Variants in MOSMO observed in about 807,000 individuals in gnomAD.
The protein encoded by MOSMO is modulator of smoothened, also known as modulator of smoothened protein.
Under a neutral mutation model 18.4 loss-of-function variants are expected in MOSMO, and 5 were observed. The ratio of observed to expected loss-of-function variants is 0.27; its 90% CI spans 0.14 to 0.57. MOSMO has a LOEUF of 0.57. MOSMO is among the 20% of genes least tolerant of loss of function. The pLI, the probability that MOSMO is intolerant of heterozygous loss-of-function variation, is 0.92. For missense variants in MOSMO, 138 were observed against 211.8 expected, an observed-to-expected ratio of 0.65 and a Z score of 2.16; for synonymous variants, 82 against 82.3, an observed-to-expected ratio of 1.00 and a Z score of 0.02.
downstream of MOSMO, among the ~76,000 whole-genome samples, chr16:22,088,070 C>T (rs1393559971): frequency 2.0e-5 from 3 of 151,976 alleles, no homozygotes; most frequent in African/African-American, 7.3e-5. Context: ...GCTCTGTCAC[C>T]CAGACTGGAG....
intron 1 of MOSMO, among the ~76,000 whole-genome samples, chr16:22,071,162 A>G (rs1411298972): frequency 6.6e-6 from 1 of 152,202 alleles, no homozygotes; most frequent in Non-Finnish European, 1.5e-5. Flanking sequence ...GAAGTAGAGC[A>G]AGAGATCCAC....
Position 22,081,211 on chromosome 16 carries a change from C to T in MOSMO, c.*331C>T, listed in dbSNP as rs2141788386. On this transcript the variant is annotated 3_prime_UTR_variant, in exon 3 of 3. Coordinates refer to ENST00000542527, the MANE Select transcript of MOSMO (RefSeq NM_001164579.2). The stretch of plus-strand genomic sequence containing the variant: ...GCTTTATACCGAAAAGCATGTGGCC[C>T]TTTGTGACTCTGTTATTCCGTTTTT... 6.3e-6 allele frequency: 1 copy of T among 157,622 alleles called. No homozygotes were observed. The highest frequency in any genetic ancestry group is 1.7e-4 in the East Asian group (1 of 5,986). The allele number at this position is 157,622 out of a possible 1,614,324, so 9.8% of individuals were successfully genotyped here.
intron 1 of MOSMO, among the ~76,000 whole-genome samples, chr16:22,046,557 G>A (rs1182818979): frequency 6.6e-6 from 1 of 152,096 alleles, no homozygotes; most frequent in Middle Eastern, 3.2e-3. Context: ...ATGCCTGAAC[G>A]AAGTTTCCCT....
chr16:22,029,018 C>T (rs1480148696), intron 1 of MOSMO, among the ~76,000 whole-genome samples: 2 of 152,056 alleles, frequency 1.3e-5, no homozygotes, highest in South Asian at 2.1e-4. Context: ...ATTATAGGCA[C>T]CTGCCACCAT....
At chr16:22,046,226 A>G (rs1270981967) in intron 1 of MOSMO, among the ~76,000 whole-genome samples, 1 of 152,182 alleles carries the variant, frequency 6.6e-6, no homozygotes, top group Non-Finnish European at 1.5e-5. Context: ...GACTAGAGCT[A>G]TTGCTCTGGC....
chr16:22,016,112 T>G (rs1017300561), intron 1 of MOSMO, among the ~76,000 whole-genome samples: 3 of 152,192 alleles, frequency 2.0e-5, no homozygotes, highest in African/African-American at 7.2e-5. Context: ...TGAGTTTGTA[T>G]TGGAGTTGCA....
chr16:22,025,557 T>C (rs558072811), intron 1 of MOSMO, among the ~76,000 whole-genome samples: 1 of 152,234 alleles, frequency 6.6e-6, no homozygotes, highest in Non-Finnish European at 1.5e-5. Context: ...CAAATTGAAA[T>C]CAGTGAGCCT....
At chr16:22,029,148 G>C (rs1160336187) in intron 1 of MOSMO, among the ~76,000 whole-genome samples, 1 of 152,178 alleles carries the variant, frequency 6.6e-6, no homozygotes, top group Non-Finnish European at 1.5e-5. Flanking sequence ...GAGATTACAG[G>C]TGTGAGCCAC....
chr16:22,041,605 TA>T (rs1395569885), intron 1 of MOSMO, among the ~76,000 whole-genome samples: 1 of 152,200 alleles, frequency 6.6e-6, no homozygotes, highest in Non-Finnish European at 1.5e-5. Flanking sequence ...ATTTGATTTT[TA>T]AAAACCAAAG....
intron 1 of MOSMO, among the ~76,000 whole-genome samples, chr16:22,054,964 T>G (rs757467977): frequency 1.1e-4 from 14 of 133,278 alleles, no homozygotes; most frequent in Admixed American, 2.9e-4. Flanking sequence ...AAGATAGGGG[T>G]TTTTTTTTTT....
chr16:22,025,117 T>C (rs1385972526), intron 1 of MOSMO, among the ~76,000 whole-genome samples: 1 of 151,038 alleles, frequency 6.6e-6, no homozygotes, highest in Non-Finnish European at 1.5e-5. Flanking sequence ...TGTGCCACTG[T>C]ACTCCAGCCT....
intron 1 of MOSMO, among the ~76,000 whole-genome samples, chr16:22,012,067 A>G (rs1002080208): frequency 3.9e-5 from 6 of 152,224 alleles, no homozygotes; most frequent in African/African-American, 1.4e-4. Context: ...TAACCTGGCA[A>G]CAAAAAGTTA....
chr16:22,044,268 C>T (rs2141734848), intron 1 of MOSMO, among the ~76,000 whole-genome samples: 1 of 152,264 alleles, frequency 6.6e-6, no homozygotes, highest in Middle Eastern at 3.4e-3. Flanking sequence ...TACATGTTTA[C>T]CTGTTCCCCC....
intron 1 of MOSMO, among the ~76,000 whole-genome samples, chr16:22,044,388 C>T (rs1448607524): frequency 6.6e-6 from 1 of 152,082 alleles, no homozygotes; most frequent in Non-Finnish European, 1.5e-5. Flanking sequence ...TCCTAAGCTT[C>T]CTACAAGAAT....
chr16:22,024,477 G>T (rs926743887), intron 1 of MOSMO, among the ~76,000 whole-genome samples: 9 of 151,490 alleles, frequency 5.9e-5, no homozygotes, highest in African/African-American at 1.9e-4. Flanking sequence ...TGATTCTCCT[G>T]CCTCAGCCTC....
intron 1 of MOSMO, among the ~76,000 whole-genome samples, chr16:22,070,784 C>T (rs1309612525): frequency 1.3e-5 from 2 of 152,070 alleles, no homozygotes; most frequent in East Asian, 1.9e-4. Context: ...AGGTGTGTGA[C>T]GTTTTTAAGT....
At chr16:22,049,425 G>T (rs1900380072) in intron 1 of MOSMO, among the ~76,000 whole-genome samples, 3 of 152,062 alleles carry the variant, frequency 2.0e-5, no homozygotes. Context: ...CAGGCTGGTG[G>T]TTTTCATTTC....
rs144996831 is a variant in MOSMO, at chr16:22,042,586, C to T, written c.107-32901C>T. On this transcript the variant is annotated intron_variant, in intron 1 of 2. Coordinates refer to ENST00000542527, the MANE Select transcript of MOSMO (RefSeq NM_001164579.2). The stretch of plus-strand genomic sequence containing the variant: ...GGATTTGATCACAAGACATGTAATG[C>T]TTGCCATCATTTCACCAACTGTTAT... Among the ~76,000 whole-genome samples the T allele has an allele frequency of 5.3e-3, 813 of 152,292 alleles. 5 individuals are homozygous for T. The highest frequency in any genetic ancestry group is 0.048 in the Middle Eastern group (14 of 294).
chr16:22,020,584 C>T (rs1224948227), intron 1 of MOSMO, among the ~76,000 whole-genome samples: 5 of 152,062 alleles, frequency 3.3e-5, no homozygotes, highest in Non-Finnish European at 4.4e-5. Context: ...CGTGAGCCAC[C>T]GCGCCCAGCC....
Sources: gnomAD v4.1 joint callset for allele counts (sites outside exome capture counted in the v4.1 genomes callset) on GRCh38, gnomAD v4.1.1 for gene constraint, MANE v1.5 for transcripts, NCBI Gene and HGNC (gene_info 2026-07-23, HGNC 2026-07-21) for gene names.